The following SIMC1 variants were observed in gnomAD, a reference collection of about 807,000 sequenced individuals.
SIMC1 encodes the protein SUMO-interacting motif-containing protein 1.
Under a neutral mutation model 82.3 loss-of-function variants are expected in SIMC1, and 55 were observed. The observed-to-expected ratio is 0.67, with a 90% CI of 0.54 to 0.84. SIMC1 has a LOEUF of 0.84. Among genes scored for constraint, SIMC1 ranks in the 40% least tolerant of loss-of-function variants. The pLI, the probability that SIMC1 is intolerant of heterozygous loss-of-function variation, is 0.00. For missense variants in SIMC1, 915 were observed against 1,107.2 expected (o/e 0.83, Z 2.46); for synonymous variants, 353 against 426.3 (o/e 0.83, Z 2.12).
chr5:176,343,429 A>G (rs934733934), intron 9 of SIMC1, among the ~76,000 whole-genome samples: 2 of 152,182 alleles, frequency 1.3e-5, no homozygotes, highest in Admixed American at 6.5e-5. Flanking sequence ...CCTCAATTCC[A>G]CACACTTCTA....
chr5:176,290,012 C>T lies in SIMC1; in HGVS notation c.488C>T (p.Ser163Leu), dbSNP rs371526878. ...SVYPTEPNCS[S>L]ATFTGNLSFL... ...TATCCAACAGAGCCTAATTGTAGCT[C>T]AGCCACATTCACAGGTAACCTCAGC... is the stretch of plus-strand genomic sequence containing the variant. Residue 163 changes from serine (S) to leucine (L), a missense_variant, in exon 2 of 10, where the codon TCA becomes TTA. Coordinates refer to ENST00000429602, the MANE Select transcript of SIMC1 (RefSeq NM_001308195.2). 178 of 1,613,792 alleles carry T rather than the reference C, an allele frequency of 1.1e-4. No homozygotes were observed. In the African/African-American group the frequency reaches 1.4e-3, roughly 13 times the overall value.
At chr5:176,311,404 A>AT (rs1764656760) in intron 4 of SIMC1, among the ~76,000 whole-genome samples, 1 of 151,996 alleles carries the variant, frequency 6.6e-6, no homozygotes, top group Non-Finnish European at 1.5e-5. Context: ...CGCCTGGATA[A>AT]TTTTTTTATT....
chr5:176,279,555 A>C (rs1256063267), intron 1 of SIMC1, among the ~76,000 whole-genome samples: 1 of 149,234 alleles, frequency 6.7e-6, no homozygotes, highest in Non-Finnish European at 1.5e-5. Context: ...AGTTCTTTTA[A>C]TTGTGATGTT....
intron 7 of SIMC1, among the ~76,000 whole-genome samples, chr5:176,326,157 T>G (rs1765384929): frequency 6.6e-6 from 1 of 152,208 alleles, no homozygotes; most frequent in Non-Finnish European, 1.5e-5. Context: ...TTGTCTTCAG[T>G]GCATCTCCAC....
At chr5:176,257,303 A>G (rs1215469069) in intron 1 of SIMC1, among the ~76,000 whole-genome samples, 2 of 152,182 alleles carry the variant, frequency 1.3e-5, no homozygotes, top group Non-Finnish European at 2.9e-5. Flanking sequence ...AAAGACTTTT[A>G]TATAAAAATT....
chr5:176,271,086 C>T (rs886349343), intron 1 of SIMC1, among the ~76,000 whole-genome samples: 1 of 152,100 alleles, frequency 6.6e-6, no homozygotes, highest in African/African-American at 2.4e-5. Context: ...TAAAGAGGGG[C>T]CAGGCATGGT....
chr5:176,325,760 G>A lies in SIMC1; in HGVS notation c.2171+1003G>A, dbSNP rs1055427575. Among the ~76,000 whole-genome samples, 5 of 152,136 alleles carry A rather than the reference G, an allele frequency of 3.3e-5. No individual in the cohort carries two copies. The South Asian group carries it at 8.3e-4, about 25-fold the overall frequency. ...AATAAAAATTTAACTGTTAAGCCCT[G>A]CCTTCTTCTCTTATCTTTATCCATA... On this transcript the variant is annotated intron_variant, in intron 7 of 9. Coordinates refer to ENST00000429602, the MANE Select transcript of SIMC1 (RefSeq NM_001308195.2).
chr5:176,311,562 A>AAG (rs1418625736), intron 4 of SIMC1, among the ~76,000 whole-genome samples: 2 of 152,098 alleles, frequency 1.3e-5, no homozygotes, highest in Non-Finnish European at 2.9e-5. Context: ...TAAAAAAAAA[A>AAG]AGAGAGAAAG....
chr5:176,312,759 A>G (rs1307083411), intron 4 of SIMC1, among the ~76,000 whole-genome samples: 2 of 152,268 alleles, frequency 1.3e-5, no homozygotes, highest in African/African-American at 4.8e-5. Context: ...CTGAGAAAAT[A>G]TACCTATTCT....
rs188703077 is a variant in SIMC1, at chr5:176,287,035, T to A, written c.130-2619T>A. 1.4e-3 allele frequency among the ~76,000 whole-genome samples: 206 copies of A among 152,370 alleles called. 1 individual carries two copies. Among genetic ancestry groups the A allele is most frequent in the African/African-American group, 4.7e-3 (195 of 41,584 alleles). On this transcript the variant is annotated intron_variant, in intron 1 of 9. Transcript: ENST00000429602. ...AACACTTTTACACTGTTGGTGGGAC[T>A]GTAAACTAGTTCAACCATTGTGGAA...
intron 1 of SIMC1, among the ~76,000 whole-genome samples, chr5:176,277,992 A>G (rs1319181648): frequency 7.1e-6 from 1 of 141,350 alleles, no homozygotes; most frequent in Non-Finnish European, 1.5e-5. Context: ...GAAGAAAGTC[A>G]TTGGTAGCTT....
chr5:176,254,701 T>C (rs2113129988), intron 1 of SIMC1, among the ~76,000 whole-genome samples: 1 of 151,020 alleles, frequency 6.6e-6, no homozygotes, highest in African/African-American at 2.4e-5. Flanking sequence ...ATATGCACAT[T>C]CTCAAATATG....
At position 176,289,997 on chromosome 5, in the gene SIMC1, A is replaced by C. The variant is rs538513018; in HGVS notation, c.473A>C (p.Glu158Ala). Reference sequence around the variant, plus strand: ...AGTGGAGGCTCTGTTTATCCAACAGAGCCTAATTGTAGCTCAGCCACATTC... The same window carrying C: ...AGTGGAGGCTCTGTTTATCCAACAGCGCCTAATTGTAGCTCAGCCACATTC... ...SISGGSVYPTEPNCSSATFTG... is the reference protein window; with the variant it reads ...SISGGSVYPTAPNCSSATFTG... The change falls in exon 2 of 10, where the codon GAG (glutamate) becomes GCG (alanine). Residue 158 changes from glutamate to alanine, a missense_variant. Transcript: ENST00000429602. The C allele has an allele frequency of 1.3e-5, 21 of 1,613,732 alleles. No individual in the cohort carries two copies. In the South Asian group the frequency reaches 2.3e-4, roughly 18 times the overall value.
At chr5:176,252,306 G>A (rs1369570815) in intron 1 of SIMC1, among the ~76,000 whole-genome samples, 4 of 152,068 alleles carry the variant, frequency 2.6e-5, no homozygotes, top group Non-Finnish European at 4.4e-5. Flanking sequence ...CTGCCGGGCG[G>A]AGACGCTCCG....
chr5:176,316,977 ACT>A (rs1561719486), intron 5 of SIMC1, among the ~76,000 whole-genome samples: 1 of 152,162 alleles, frequency 6.6e-6, no homozygotes, highest in African/African-American at 2.4e-5. Context: ...ACAGAGGAAG[ACT>A]CTATCTCAAA....
intron 1 of SIMC1, among the ~76,000 whole-genome samples, chr5:176,262,284 A>T (rs1220025876): frequency 1.8e-4 from 5 of 27,768 alleles, no homozygotes; most frequent in East Asian, 8.6e-4. Flanking sequence ...TGATTTAAAA[A>T]AAAAAAAAAA....
intron 7 of SIMC1, among the ~76,000 whole-genome samples, chr5:176,333,916 C>G (rs2113401952): frequency 6.6e-6 from 1 of 151,384 alleles, no homozygotes; most frequent in East Asian, 1.9e-4. Context: ...TTTTTAATTC[C>G]CCCAGTGCCC....
chr5:176,306,267 C>T (rs1216400783), intron 4 of SIMC1, among the ~76,000 whole-genome samples: 3 of 122,974 alleles, frequency 2.4e-5, no homozygotes, highest in African/African-American at 8.5e-5. Flanking sequence ...GCCCGGCCAG[C>T]CGCCCCGTCC....
intron 7 of SIMC1, among the ~76,000 whole-genome samples, chr5:176,329,661 CATAATG>C (rs1219278542): frequency 6.6e-6 from 1 of 152,074 alleles, no homozygotes; most frequent in Non-Finnish European, 1.5e-5. Flanking sequence ...GACTAAATGT[CATAATG>C]GTAAAGACAA....
Sources: gnomAD v4.1 joint callset for allele counts (sites outside exome capture counted in the v4.1 genomes callset) on GRCh38, gnomAD v4.1.1 for gene constraint, MANE v1.5 for transcripts, NCBI Gene and HGNC (gene_info 2026-07-23, HGNC 2026-07-21) for gene names.